RYR2: variants seen among roughly 807,000 people sequenced by gnomAD.
The protein encoded by RYR2 is cardiac muscle ryanodine receptor-calcium release channel.
In RYR2, 227 loss-of-function variants were observed where a neutral mutation model predicts 601.1. The observed-to-expected ratio is 0.38, with a 90% CI of 0.34 to 0.42. The LOEUF (loss-of-function observed/expected upper bound fraction) is 0.42. Ranked by LOEUF, RYR2 falls within the 10% of genes least tolerant of loss-of-function variation. The probability of loss-of-function intolerance (pLI) is 1.00; values close to 1 mark genes in which losing one functional copy is unlikely to be tolerated. For synonymous variants in RYR2, 2,223 were observed against 2,175.1 expected, an observed-to-expected ratio of 1.02 and a Z score of -0.61; for missense variants, 4,646 against 6,156.5, an observed-to-expected ratio of 0.75 and a Z score of 8.21.
At chr1:237,489,818 G>A (rs1012437431) in intron 17 of RYR2, among the ~76,000 whole-genome samples, 3 of 152,112 alleles carry the variant, frequency 2.0e-5, no homozygotes, top group East Asian at 1.9e-4. Context: ...TTGTTTTACC[G>A]AAAAGACACA....
chr1:237,584,071 T>C (rs1279799657), intron 29 of RYR2, among the ~76,000 whole-genome samples: 1 of 152,200 alleles, frequency 6.6e-6, no homozygotes, highest in African/African-American at 2.4e-5. Context: ...TTCCCTTATA[T>C]ATCATCAGGC....
At position 237,634,987 on chromosome 1, in the gene RYR2, G is replaced by A; in HGVS notation, c.6787G>A (p.Glu2263Lys). The A allele has an allele frequency of 6.3e-7, 1 of 1,587,592 alleles. No homozygotes were observed. The change falls in exon 44 of 105, where the codon GAA (glutamate) becomes AAA (lysine). Residue 2263 changes from glutamate (E) to lysine (K), a missense_variant. Physicochemically the swap from Glu to Lys is moderately conservative, Grantham distance 56. Coordinates refer to ENST00000366574, the MANE Select transcript of RYR2 (RefSeq NM_001035.3). ...ATTAGCTCTGCGTGAGCCGGATCTA[G>A]AAAAGGTGAGCAATGTTCCTGCCCT... Reference protein sequence around the residue: ...LALALREPDLEKVVRYLAGCG... With the variant: ...LALALREPDLKKVVRYLAGCG...
intron 1 of RYR2, among the ~76,000 whole-genome samples, chr1:237,059,498 C>CT (rs945956384): frequency 6.6e-6 from 1 of 151,948 alleles, no homozygotes; most frequent in African/African-American, 2.4e-5. Flanking sequence ...TAAATGGAGT[C>CT]TATTTTTAAG....
At chr1:237,519,184 A>T (rs1666849914) in intron 24 of RYR2, among the ~76,000 whole-genome samples, 1 of 152,028 alleles carries the variant, frequency 6.6e-6, no homozygotes, top group East Asian at 1.9e-4. Flanking sequence ...GAGTAGTTTG[A>T]TGTCAGATGA....
intron 31 of RYR2, 141 bp from the exon 32 acceptor site, chr1:237,591,598 A>G (rs1178398986): frequency 1.0e-5 from 7 of 670,034 alleles, no homozygotes; most frequent in Non-Finnish European, 1.6e-5. Context: ...AACCAAAAAC[A>G]TGTATTTTCA....
intron 15 of RYR2, 27 bp downstream of exon 15, chr1:237,454,601 C>T (rs1658585805): frequency 6.2e-7 from 1 of 1,605,544 alleles, no homozygotes; most frequent in Admixed American, 1.7e-5. Flanking sequence ...ACTCATTTCT[C>T]TTCTGTTATT....
Position 237,674,085 on chromosome 1 carries a change from CAT to C in RYR2, c.8591-9_8591-8del, listed in dbSNP as rs930947241. ...TTACTATGCTGTGTTCTTGTCCTGA[CAT>C]ACTCTTAGGAGGAGGAAACCATCCT... is the stretch of plus-strand genomic sequence containing the variant. On this transcript the variant is annotated splice_polypyrimidine_tract_variant and intron_variant, in intron 58 of 104. Transcript: ENST00000366574. 6.2e-7 allele frequency: 1 copy of C among 1,606,890 alleles called. No individual in the cohort carries two copies. Among genetic ancestry groups the C allele is most frequent in the African/African-American group, 1.3e-5 (1 of 74,724 alleles).
chr1:237,301,680 A>G (rs1455475633), intron 2 of RYR2, among the ~76,000 whole-genome samples: 2 of 152,212 alleles, frequency 1.3e-5, no homozygotes, highest in Non-Finnish European at 2.9e-5. Context: ...TCTAAGAACA[A>G]AAGACAAAAG....
chr1:237,184,357 G>A (rs577571650), intron 1 of RYR2, among the ~76,000 whole-genome samples: 2 of 152,290 alleles, frequency 1.3e-5, no homozygotes, highest in Admixed American at 1.3e-4. Context: ...AGAAGATGCT[G>A]ACTCAGGTTT....
At chr1:237,323,237 T>C (rs1454452812) in intron 2 of RYR2, among the ~76,000 whole-genome samples, 2 of 152,236 alleles carry the variant, frequency 1.3e-5, no homozygotes, top group Admixed American at 1.3e-4. Context: ...ATTAGCAATG[T>C]TGAGAGGCAG....
intron 17 of RYR2, among the ~76,000 whole-genome samples, chr1:237,480,289 T>C (rs1006812556): frequency 6.8e-6 from 1 of 147,942 alleles, no homozygotes; most frequent in African/African-American, 2.5e-5. Context: ...TGTGGTGGCA[T>C]GCGCCTGTTG....
intron 1 of RYR2, among the ~76,000 whole-genome samples, chr1:237,137,753 G>T (rs983958702): frequency 1.3e-5 from 2 of 152,164 alleles, no homozygotes; most frequent in African/African-American, 2.4e-5. Context: ...GTAAGGCAAA[G>T]ATCTCTCATT....
intron 2 of RYR2, among the ~76,000 whole-genome samples, chr1:237,305,235 G>T (rs1330021976): frequency 1.3e-5 from 2 of 152,282 alleles, no homozygotes; most frequent in East Asian, 3.9e-4. Flanking sequence ...ATTGGAAATA[G>T]CAGCAGACTG....
chr1:237,198,928 C>A (rs538845802), intron 1 of RYR2, among the ~76,000 whole-genome samples: 8 of 151,670 alleles, frequency 5.3e-5, no homozygotes, highest in Non-Finnish European at 1.0e-4. Flanking sequence ...ATAGGCTAAC[C>A]ACTTTGGTTA....
Position 237,169,935 on chromosome 1 carries a change from C to G in RYR2, c.49-100562C>G, listed in dbSNP as rs566993244. On this transcript the variant is annotated intron_variant, in intron 1 of 104. Transcript: ENST00000366574. ...TTGATTTAACTCAGTTTGGGCATCTCTTTTTCATCCTTTATTCATTCATTG... is the reference window on the plus strand; with the variant it reads ...TTGATTTAACTCAGTTTGGGCATCTGTTTTTCATCCTTTATTCATTCATTG... Among the ~76,000 whole-genome samples, 44 of 152,222 alleles carry G rather than the reference C, an allele frequency of 2.9e-4. No individual in the cohort carries two copies. The South Asian group carries it at 8.5e-3, about 29-fold the overall frequency.
chr1:237,303,554 C>T (rs1408360975), intron 2 of RYR2, among the ~76,000 whole-genome samples: 4 of 152,066 alleles, frequency 2.6e-5, no homozygotes, highest in Admixed American at 2.0e-4. Flanking sequence ...CCTGCCTTGG[C>T]CTCCCAAAGT....
At chr1:237,602,515 C>A (rs994213970) in intron 35 of RYR2, among the ~76,000 whole-genome samples, 1 of 152,080 alleles carries the variant, frequency 6.6e-6, no homozygotes, top group Non-Finnish European at 1.5e-5. Flanking sequence ...TCAGCTAAAG[C>A]TCAAAGAAGA....
At chr1:237,176,111 C>G (rs1211740776) in intron 1 of RYR2, among the ~76,000 whole-genome samples, 2 of 151,358 alleles carry the variant, frequency 1.3e-5, no homozygotes, top group Non-Finnish European at 1.5e-5. Flanking sequence ...ACCTGTAGTC[C>G]CAGTTGTTTG....
chr1:237,337,828 AT>A (rs1430090727), intron 3 of RYR2, among the ~76,000 whole-genome samples: 4 of 152,212 alleles, frequency 2.6e-5, no homozygotes, highest in African/African-American at 7.2e-5. Context: ...GCCCCTAGCT[AT>A]AGTTGCTCTA....
Sources: gnomAD v4.1 joint callset for allele counts (sites outside exome capture counted in the v4.1 genomes callset) on GRCh38, gnomAD v4.1.1 for gene constraint, MANE v1.5 for transcripts, NCBI Gene and HGNC (gene_info 2026-07-23, HGNC 2026-07-21) for gene names.